The following CDH12 variants were observed in gnomAD, a reference collection of about 807,000 sequenced individuals.
CDH12 encodes the protein cadherin-12.
In CDH12, 41 loss-of-function variants were observed where a neutral mutation model predicts 74.1. The observed-to-expected ratio is 0.55, with a 90% CI of 0.43 to 0.72. CDH12 has a LOEUF of 0.72. Ranked by LOEUF, CDH12 falls within the 30% of genes least tolerant of loss-of-function variation. CDH12 has a pLI of 0.00. For synonymous variants in CDH12, 399 were observed against 355.0 expected (o/e 1.12, Z -1.39); for missense variants, 945 against 977.2 (o/e 0.97, Z 0.44).
At chr5:22,423,915 A>C (rs1178583499) in intron 2 of CDH12, among the ~76,000 whole-genome samples, 3 of 144,930 alleles carry the variant, frequency 2.1e-5, no homozygotes, top group Non-Finnish European at 3.0e-5. Context: ...AGGCAGGAGA[A>C]TGGCGTGAAC....
chr5:22,633,671 T>C (rs1738692718), intron 1 of CDH12, among the ~76,000 whole-genome samples: 1 of 152,140 alleles, frequency 6.6e-6, no homozygotes, highest in African/African-American at 2.4e-5. Context: ...AGTGATCTTC[T>C]CCTGCTCTGA....
rs114934540 is a variant in CDH12, at chr5:22,691,897, G to A, written c.-523+161161C>T. Among the ~76,000 whole-genome samples, 1,179 of 152,196 alleles carry A rather than the reference G, an allele frequency of 7.7e-3. 11 individuals carry two copies. The highest frequency in any genetic ancestry group is 0.024 in the African/African-American group (1,014 of 41,534). ...AGGATAAATAGAAAGGAAGAGAAAA[G>A]GTAAGAGGAAAGAAATACATGTTTT... On this transcript the variant is annotated intron_variant, in intron 1 of 14. Transcript: ENST00000382254.
chr5:22,246,544 T>G (rs1752950801), intron 3 of CDH12, among the ~76,000 whole-genome samples: 7 of 152,164 alleles, frequency 4.6e-5, no homozygotes, highest in African/African-American at 1.7e-4. Context: ...CAGGCATTAT[T>G]ACACAAACAA....
At chr5:22,424,321 T>C (rs1364567452) in intron 2 of CDH12, among the ~76,000 whole-genome samples, 1 of 152,044 alleles carries the variant, frequency 6.6e-6, no homozygotes, top group Non-Finnish European at 1.5e-5. Flanking sequence ...ACTTGCAGAG[T>C]ACGGCGTTTC....
At chr5:21,844,392 A>G (rs1484744327) in intron 7 of CDH12, among the ~76,000 whole-genome samples, 1 of 152,036 alleles carries the variant, frequency 6.6e-6, no homozygotes, top group Non-Finnish European at 1.5e-5. Flanking sequence ...TTCCTCTGGA[A>G]CAGCGGTACT....
chr5:22,556,658 G>A (rs550797881), intron 1 of CDH12, among the ~76,000 whole-genome samples: 1 of 152,144 alleles, frequency 6.6e-6, no homozygotes, highest in East Asian at 1.9e-4. Context: ...TTCCAGATGA[G>A]ATTTTTTATC....
At chr5:22,673,620 G>A (rs1285243903) in intron 1 of CDH12, among the ~76,000 whole-genome samples, 1 of 152,028 alleles carries the variant, frequency 6.6e-6, no homozygotes, top group African/African-American at 2.4e-5. Context: ...ATTTACCTAA[G>A]CTCACTAGTT....
rs1581034052 is a variant in CDH12, at chr5:22,821,235, C to A, written c.-523+31823G>T. Among the ~76,000 whole-genome samples, 3 of 152,182 alleles carry A rather than the reference C, an allele frequency of 2.0e-5. No individual in the cohort carries two copies. In the South Asian group the frequency reaches 6.2e-4, roughly 32 times the overall value. On this transcript the variant is annotated intron_variant, in intron 1 of 14. Coordinates refer to ENST00000382254, the MANE Select transcript of CDH12 (RefSeq NM_004061.5). The stretch of plus-strand genomic sequence containing the variant: ...AATTAGGTATTGATGGGATGTATCT[C>A]AAAATAATAAGAGCTATCTATGACA...
intron 2 of CDH12, among the ~76,000 whole-genome samples, chr5:22,411,156 T>C (rs1743154560): frequency 6.6e-6 from 1 of 151,508 alleles, no homozygotes; most frequent in Non-Finnish European, 1.5e-5. Context: ...AAAGGAAAAA[T>C]CAAAATAATG....
chr5:22,190,354 G>GTCTATCTATCTA (rs1413714147), intron 4 of CDH12, among the ~76,000 whole-genome samples: 3 of 149,294 alleles, frequency 2.0e-5, no homozygotes, highest in Non-Finnish European at 3.0e-5. Context: ...CCATCTGTCT[G>GTCTATCTATCTA]TCTGTCTATC....
chr5:21,760,928 A>T (rs1744686221), intron 12 of CDH12, among the ~76,000 whole-genome samples: 1 of 152,192 alleles, frequency 6.6e-6, no homozygotes, highest in African/African-American at 2.4e-5. Context: ...GGTAACCAGC[A>T]TTAAAAATTC....
At chr5:22,695,872 A>G (rs1742330893) in intron 1 of CDH12, among the ~76,000 whole-genome samples, 11 of 151,874 alleles carry the variant, frequency 7.2e-5, no homozygotes, top group Admixed American at 7.2e-4. Flanking sequence ...TTCTTTCCCT[A>G]TTTTTTCAAG....
At chr5:22,382,788 T>C (rs1221507166) in intron 3 of CDH12, among the ~76,000 whole-genome samples, 1 of 151,868 alleles carries the variant, frequency 6.6e-6, no homozygotes, top group Non-Finnish European at 1.5e-5. Context: ...GTGTTGAGAC[T>C]GAATCGACCT....
At position 22,605,314 on chromosome 5, in the gene CDH12, A is replaced by C. The variant is rs149443310; in HGVS notation, c.-522-99950T>G. On this transcript the variant is annotated intron_variant, in intron 1 of 14. Coordinates refer to ENST00000382254, the MANE Select transcript of CDH12 (RefSeq NM_004061.5). ...ATAATAAATCTCTTTCTCTATATAC[A>C]TTCTATTAGTTCTACTTCTCTGGAG... Among the ~76,000 whole-genome samples the C allele has an allele frequency of 3.3e-5, 5 of 152,208 alleles. No homozygotes were observed. In the East Asian group the frequency reaches 9.7e-4, roughly 29 times the overall value.
chr5:22,060,396 T>C (rs2150205243), intron 5 of CDH12, among the ~76,000 whole-genome samples: 1 of 152,068 alleles, frequency 6.6e-6, no homozygotes, highest in Admixed American at 6.6e-5. Flanking sequence ...GATGATGGAT[T>C]GAGAGGTGCA....
At chr5:22,382,726 A>T (rs1741822505) in intron 3 of CDH12, among the ~76,000 whole-genome samples, 1 of 152,070 alleles carries the variant, frequency 6.6e-6, no homozygotes, top group African/African-American at 2.4e-5. Flanking sequence ...TGTAGTAAAA[A>T]CGGAATTTAG....
At chr5:22,444,081 C>T (rs905257145) in intron 2 of CDH12, among the ~76,000 whole-genome samples, 9 of 152,008 alleles carry the variant, frequency 5.9e-5, no homozygotes, top group African/African-American at 1.4e-4. Context: ...CAAATGATAA[C>T]ATTGATATTT....
At chr5:22,751,998 T>C (rs187698359) in intron 1 of CDH12, among the ~76,000 whole-genome samples, 4 of 152,252 alleles carry the variant, frequency 2.6e-5, no homozygotes, top group African/African-American at 9.6e-5. Flanking sequence ...CTAAACAAAG[T>C]GAGCTCACAG....
intron 5 of CDH12, among the ~76,000 whole-genome samples, chr5:22,037,612 A>T (rs554957925): frequency 6.6e-6 from 1 of 152,260 alleles, no homozygotes; most frequent in East Asian, 1.9e-4. Context: ...AAACCACAGA[A>T]TTTGTAGTAA....
Sources: allele counts gnomAD v4.1 joint callset (sites outside exome capture counted in the v4.1 genomes callset), GRCh38; gene constraint gnomAD v4.1.1; transcripts MANE v1.5; gene names NCBI Gene and HGNC (gene_info 2026-07-23, HGNC 2026-07-21).